RAB1A: variants seen among roughly 807,000 people sequenced by gnomAD.
RAB1A encodes ras-related protein Rab-1A.
Under a neutral mutation model 26.0 loss-of-function variants are expected in RAB1A, and 2 were observed. That is an observed-to-expected ratio of 0.08 (90% CI 0.03 to 0.24). RAB1A has a LOEUF of 0.24. Among genes scored for constraint, RAB1A ranks in the 10% least tolerant of loss-of-function variants. RAB1A has a pLI of 1.00. For synonymous variants in RAB1A, 84 were observed against 84.9 expected, an observed-to-expected ratio of 0.99 and a Z score of 0.06; for missense variants, 100 against 247.0, an observed-to-expected ratio of 0.40 and a Z score of 3.99.
intron 3 of RAB1A, among the ~76,000 whole-genome samples, chr2:65,096,105 A>G (rs1449481849): frequency 6.6e-6 from 1 of 151,984 alleles, no homozygotes; most frequent in Non-Finnish European, 1.5e-5. Context: ...GCGAGCCAAG[A>G]TTGCACCACT....
chr2:65,116,569 A>C (rs1196738986), intron 1 of RAB1A, among the ~76,000 whole-genome samples: 1 of 152,236 alleles, frequency 6.6e-6, no homozygotes, highest in Non-Finnish European at 1.5e-5. Context: ...TGTCTGGCAC[A>C]TACAGAAGCA....
intron 1 of RAB1A, among the ~76,000 whole-genome samples, chr2:65,114,327 A>T (rs1196789264): frequency 6.6e-6 from 1 of 152,242 alleles, no homozygotes; most frequent in African/African-American, 2.4e-5. Flanking sequence ...ATAGTGTATA[A>T]TTGTATTTGT....
chr2:65,107,878 A>G (rs1669598478), intron 1 of RAB1A, among the ~76,000 whole-genome samples: 1 of 152,064 alleles, frequency 6.6e-6, no homozygotes, highest in Non-Finnish European at 1.5e-5. Flanking sequence ...ACCCTGGCCA[A>G]TACGGTGAAA....
chr2:65,119,228 TG>T (rs1669895590), intron 1 of RAB1A, among the ~76,000 whole-genome samples: 2 of 147,954 alleles, frequency 1.4e-5, no homozygotes, highest in South Asian at 4.3e-4. Flanking sequence ...TCTTGAGGCC[TG>T]GTGTGGTGGC....
At chr2:65,108,475 A>G (rs540057617) in intron 1 of RAB1A, among the ~76,000 whole-genome samples, 4 of 152,022 alleles carry the variant, frequency 2.6e-5, no homozygotes, top group African/African-American at 9.7e-5. Flanking sequence ...CAACCACTAC[A>G]TTTTTTTAAG....
Position 65,122,960 on chromosome 2 carries a change from G to C in RAB1A, c.23+6933C>G, listed in dbSNP as rs1196216439. Among the ~76,000 whole-genome samples, 6 of 105,912 alleles carry C rather than the reference G, an allele frequency of 5.7e-5. No homozygotes were observed. In the East Asian group the frequency reaches 1.6e-3, roughly 29 times the overall value. 69.5% of individuals were successfully genotyped at this position (105,912 alleles called of 152,430 possible). A position where few individuals can be genotyped will look rare whatever the true frequency, so the allele number is the denominator to read the frequency against. Reference sequence around the variant, plus strand: ...CACTCCAGCCTGGGCAACAGAACAAGACTCCGTCTCAGACAAAAAAAAAAA... The same window carrying C: ...CACTCCAGCCTGGGCAACAGAACAACACTCCGTCTCAGACAAAAAAAAAAA... On this transcript the variant is annotated intron_variant, in intron 1 of 5. Coordinates refer to ENST00000409784, the MANE Select transcript of RAB1A (RefSeq NM_004161.5).
rs781756807 is a variant in RAB1A, at chr2:65,089,047, C to T, written c.312G>A (p.Gln104=). Reference sequence around the variant, plus strand: ...CATAACGATCTATTTCCTGCAGCCACTGTTTAACATTATTGAAGGACTCCT... The same window carrying T: ...CATAACGATCTATTTCCTGCAGCCATTGTTTAACATTATTGAAGGACTCCT... ...TDQESFNNVK[Q]WLQEIDRYAS... Residue 104 remains glutamine (Q), a synonymous_variant, in exon 5 of 6, where the codon CAG becomes CAA. Coordinates refer to ENST00000409784, the MANE Select transcript of RAB1A (RefSeq NM_004161.5). The T allele has an allele frequency of 1.2e-6, 2 of 1,610,110 alleles. No homozygotes were observed. The highest frequency in any genetic ancestry group is 1.7e-6 in the Non-Finnish European group (2 of 1,177,648).
At chr2:65,128,685 A>G (rs1015328010) in intron 1 of RAB1A, among the ~76,000 whole-genome samples, 6 of 152,208 alleles carry the variant, frequency 3.9e-5, no homozygotes, top group African/African-American at 1.4e-4. Context: ...TTAGGGGAAA[A>G]TGTCTAGCAG....
At chr2:65,094,707 T>C (rs191971331) in intron 3 of RAB1A, among the ~76,000 whole-genome samples, 64 of 152,290 alleles carry the variant, frequency 4.2e-4, no homozygotes, top group African/African-American at 1.4e-3. Context: ...GAAAGGGCCA[T>C]GAGCCCTTGA....
chr2:65,087,182 A>AT lies in RAB1A; in HGVS notation c.*1310dup, dbSNP rs1204484881. On this transcript the variant is annotated 3_prime_UTR_variant, in exon 6 of 6. Coordinates refer to ENST00000409784, the MANE Select transcript of RAB1A (RefSeq NM_004161.5). ...CTTAAAATGCCAGTGTGGGCAGAAG[A>AT]TTTTTTATTCCTCACAATTAAAAAC... The AT allele has an allele frequency of 2.0e-5, 3 of 152,444 alleles. No homozygotes were observed. The highest frequency in any genetic ancestry group is 7.2e-5 in the African/African-American group (3 of 41,444). The allele number at this position is 152,444 out of a possible 1,614,324, so 9.4% of individuals were successfully genotyped here.
intron 1 of RAB1A, among the ~76,000 whole-genome samples, chr2:65,105,067 G>A (rs1407450299): frequency 1.3e-5 from 2 of 152,078 alleles, no homozygotes; most frequent in African/African-American, 4.8e-5. Context: ...AAGAAAGAAG[G>A]AAAAGAAAAA....
At chr2:65,104,446 A>ACC (rs1467169582) in intron 2 of RAB1A, among the ~76,000 whole-genome samples, 1 of 151,924 alleles carries the variant, frequency 6.6e-6, no homozygotes, top group East Asian at 1.9e-4. Flanking sequence ...GCCACCAACT[A>ACC]CCCCTTTAAC....
chr2:65,108,475 A>C lies in RAB1A; in HGVS notation c.24-3669T>G, dbSNP rs540057617. On this transcript the variant is annotated intron_variant, in intron 1 of 5. Transcript: ENST00000409784. The stretch of plus-strand genomic sequence containing the variant: ...TTAAATTACCTTTTTCAACCACTAC[A>C]TTTTTTTAAGTTTTACAAATATAAC... Among the ~76,000 whole-genome samples the C allele has an allele frequency of 2.0e-5, 3 of 152,140 alleles. No individual in the cohort carries two copies. In the East Asian group the frequency reaches 5.8e-4, roughly 29 times the overall value.
At chr2:65,095,140 A>C (rs544339949) in intron 3 of RAB1A, among the ~76,000 whole-genome samples, 1 of 152,252 alleles carries the variant, frequency 6.6e-6, no homozygotes, top group South Asian at 2.1e-4. Context: ...AAAAAGAAGA[A>C]TCACTAGGAA....
chr2:65,096,509 T>C (rs2103832612), intron 3 of RAB1A, among the ~76,000 whole-genome samples: 1 of 152,274 alleles, frequency 6.6e-6, no homozygotes, highest in African/African-American at 2.4e-5. Context: ...ACACCAATGA[T>C]CACACATAAT....
chr2:65,102,959 AAAAT>A (rs1210441912), intron 2 of RAB1A, among the ~76,000 whole-genome samples: 2 of 152,036 alleles, frequency 1.3e-5, no homozygotes, highest in African/African-American at 2.4e-5. Flanking sequence ...TCCACAGAAA[AAAAT>A]AAAGCAGTTA....
At chr2:65,097,658 A>T (rs910512910) in intron 3 of RAB1A, among the ~76,000 whole-genome samples, 6 of 152,216 alleles carry the variant, frequency 3.9e-5, no homozygotes, top group Admixed American at 3.3e-4. Context: ...AAAATGGTCT[A>T]TAACATTTGC....
intron 2 of RAB1A, among the ~76,000 whole-genome samples, chr2:65,103,107 G>A (rs1669469137): frequency 6.6e-6 from 1 of 151,874 alleles, no homozygotes; most frequent in Non-Finnish European, 1.5e-5. Context: ...CTTGAGCTCA[G>A]AAGTTTGAGA....
intron 1 of RAB1A, among the ~76,000 whole-genome samples, chr2:65,106,103 T>C (rs1310135850): frequency 6.6e-6 from 1 of 152,168 alleles, no homozygotes; most frequent in Non-Finnish European, 1.5e-5. Flanking sequence ...TTGCCAGGCC[T>C]AACTCAAAAA....
Sources: allele counts gnomAD v4.1 joint callset (sites outside exome capture counted in the v4.1 genomes callset), GRCh38; gene constraint gnomAD v4.1.1; transcripts MANE v1.5; gene names NCBI Gene and HGNC (gene_info 2026-07-23, HGNC 2026-07-21).